The following SH3BP5 variants were observed in gnomAD, a reference collection of about 807,000 sequenced individuals.
SH3BP5 encodes the protein SH3 domain binding protein 5.
SH3BP5 carries 22 observed loss-of-function variants against 43.3 expected under a neutral mutation model. That is an observed-to-expected ratio of 0.51 (90% CI 0.36 to 0.73). The LOEUF is 0.73. Ranked by LOEUF, SH3BP5 falls within the 30% of genes least tolerant of loss-of-function variation. The probability of loss-of-function intolerance (pLI) is 0.00; values close to 1 mark genes in which losing one functional copy is unlikely to be tolerated. For synonymous variants in SH3BP5, 255 were observed against 225.8 expected (o/e 1.13, Z -1.16); for missense variants, 529 against 586.9 (o/e 0.90, Z 1.02).
intron 3 of SH3BP5, among the ~76,000 whole-genome samples, chr3:15,275,228 G>T (rs1696929979): frequency 6.6e-6 from 1 of 152,242 alleles, no homozygotes; most frequent in South Asian, 2.1e-4. Context: ...GCCAGGCCAA[G>T]ACAGGAAGCA....
At chr3:15,273,471 G>T in intron 3 of SH3BP5, 6 of 907,830 alleles carry the variant, frequency 6.6e-6, no homozygotes, top group Non-Finnish European at 7.9e-6. Flanking sequence ...GTCAAATTCC[G>T]GACAAGCGTC....
chr3:15,263,011 T>C (rs1401288048), intron 4 of SH3BP5, among the ~76,000 whole-genome samples: 1 of 152,148 alleles, frequency 6.6e-6, no homozygotes. Flanking sequence ...TTGAGCAAAT[T>C]AGTGGTCAGA....
At chr3:15,302,552 C>A (rs1697781563) in intron 3 of SH3BP5, among the ~76,000 whole-genome samples, 1 of 152,166 alleles carries the variant, frequency 6.6e-6, no homozygotes, top group Non-Finnish European at 1.5e-5. Flanking sequence ...CAGGTACGAT[C>A]TTGGTAGAAC....
chr3:15,303,744 G>A (rs553545943), intron 3 of SH3BP5, among the ~76,000 whole-genome samples: 1 of 152,100 alleles, frequency 6.6e-6, no homozygotes, highest in South Asian at 2.1e-4. Flanking sequence ...AGAAGCAGAA[G>A]GCTAAACACT....
chr3:15,310,820 G>C (rs1364709144), intron 2 of SH3BP5, among the ~76,000 whole-genome samples: 8 of 152,114 alleles, frequency 5.3e-5, no homozygotes, highest in Admixed American at 5.2e-4. Context: ...AGAATTGCTG[G>C]GGGTGGTAGA....
At chr3:15,328,999 C>A (rs1369187736) in intron 2 of SH3BP5, among the ~76,000 whole-genome samples, 1 of 151,830 alleles carries the variant, frequency 6.6e-6, no homozygotes, top group Non-Finnish European at 1.5e-5. Context: ...TAATTAAACT[C>A]ATTAGCCAGG....
chr3:15,307,906 G>A (rs925695829), intron 2 of SH3BP5, among the ~76,000 whole-genome samples: 7 of 152,216 alleles, frequency 4.6e-5, no homozygotes, highest in Non-Finnish European at 7.3e-5. Flanking sequence ...TCTGTTAAAT[G>A]AGAATTGAGC....
chr3:15,281,456 A>C (rs1274987747), intron 3 of SH3BP5, among the ~76,000 whole-genome samples: 1 of 152,166 alleles, frequency 6.6e-6, no homozygotes, highest in Admixed American at 6.5e-5. Context: ...TGAAGGCATC[A>C]GATTCCCTTG....
intron 3 of SH3BP5, among the ~76,000 whole-genome samples, chr3:15,296,945 C>A (rs1021189556): frequency 1.3e-5 from 2 of 151,906 alleles, no homozygotes; most frequent in Non-Finnish European, 1.5e-5. Flanking sequence ...AATCCTCCCA[C>A]CTCAATCTCC....
At chr3:15,269,288 C>T (rs1455461770) in intron 4 of SH3BP5, among the ~76,000 whole-genome samples, 2 of 152,194 alleles carry the variant, frequency 1.3e-5, no homozygotes, top group African/African-American at 4.8e-5. Context: ...TGACCCCTGC[C>T]TTCCTCCGAC....
chr3:15,305,705 TG>T (rs1441682589), intron 2 of SH3BP5, among the ~76,000 whole-genome samples: 2 of 152,116 alleles, frequency 1.3e-5, no homozygotes, highest in East Asian at 3.9e-4. Flanking sequence ...GGGAACAGCA[TG>T]GTGTCTGCAA....
intron 3 of SH3BP5, among the ~76,000 whole-genome samples, chr3:15,271,085 A>T (rs1696784976): frequency 6.6e-6 from 1 of 151,934 alleles, no homozygotes; most frequent in Non-Finnish European, 1.5e-5. Context: ...ATATATTATT[A>T]AAATTAATTT....
chr3:15,257,052 T>C lies in SH3BP5; in HGVS notation c.951A>G (p.Glu317=), dbSNP rs1696233833. 1 of 1,614,150 alleles carries C rather than the reference T, an allele frequency of 6.2e-7. No homozygotes were observed. Among genetic ancestry groups the C allele is most frequent in the Non-Finnish European group, 8.5e-7 (1 of 1,179,992 alleles). Residue 317 remains glutamate (E), a synonymous_variant, in exon 8 of 9, where the codon GAA becomes GAG. Coordinates refer to ENST00000383791, the MANE Select transcript of SH3BP5 (RefSeq NM_004844.5). ...AACTAAAGCTGGACACGGACTGGGT[T>C]TCCGAGTCATCTTCAGACACAAAGT... The part of the protein sequence containing the change: ...CSNFVSEDDS[E]TQSVSSFSSG...
intron 3 of SH3BP5, among the ~76,000 whole-genome samples, chr3:15,278,013 G>C (rs2125076365): frequency 6.6e-6 from 1 of 152,330 alleles, no homozygotes; most frequent in Middle Eastern, 3.4e-3. Flanking sequence ...CCGGAGGAAA[G>C]AGAAGCCCCA....
chr3:15,296,142 C>T (rs1179089727), intron 3 of SH3BP5, among the ~76,000 whole-genome samples: 1 of 152,084 alleles, frequency 6.6e-6, no homozygotes, highest in East Asian at 1.9e-4. Flanking sequence ...ATATGACTAC[C>T]ACAGATAATG....
chr3:15,267,962 T>G (rs565275282), intron 4 of SH3BP5, among the ~76,000 whole-genome samples: 1 of 152,364 alleles, frequency 6.6e-6, no homozygotes, highest in African/African-American at 2.4e-5. Flanking sequence ...TTCAGCTAAT[T>G]TCTTGGAAGA....
At chr3:15,317,066 A>G (rs965206727) in intron 2 of SH3BP5, among the ~76,000 whole-genome samples, 3 of 152,256 alleles carry the variant, frequency 2.0e-5, no homozygotes, top group South Asian at 2.1e-4. Flanking sequence ...GAGGCTTCAC[A>G]TATGTCCTCA....
At position 15,289,954 on chromosome 3, in the gene SH3BP5, C is replaced by T. The variant is rs563699219; in HGVS notation, c.330+14149G>A. Reference sequence around the variant, plus strand: ...CTGAGATCAAGAGACTTAAAGAATGCAAAAACCTCAGAAGATTTTGATATG... The same window carrying T: ...CTGAGATCAAGAGACTTAAAGAATGTAAAAACCTCAGAAGATTTTGATATG... On this transcript the variant is annotated intron_variant, in intron 3 of 8. Transcript: ENST00000383791. Among the ~76,000 whole-genome samples, 5 of 152,296 alleles carry T rather than the reference C, an allele frequency of 3.3e-5. No homozygotes were observed. In the South Asian group the frequency reaches 1.0e-3, roughly 32 times the overall value.
chr3:15,269,197 TC>T (rs1465059864), intron 4 of SH3BP5, among the ~76,000 whole-genome samples: 3 of 152,082 alleles, frequency 2.0e-5, no homozygotes, highest in Non-Finnish European at 4.4e-5. Flanking sequence ...ACAGTCCGCT[TC>T]CTCTGTGCCT....
Sources: gnomAD v4.1 joint callset for allele counts (sites outside exome capture counted in the v4.1 genomes callset) on GRCh38, gnomAD v4.1.1 for gene constraint, MANE v1.5 for transcripts, NCBI Gene and HGNC (gene_info 2026-07-23, HGNC 2026-07-21) for gene names.